Variants in PIK3C2G observed in about 807,000 individuals in gnomAD.
PIK3C2G encodes phosphatidylinositol 3-kinase C2 domain-containing subunit gamma.
Under a neutral mutation model 181.1 loss-of-function variants are expected in PIK3C2G, and 168 were observed. That is an observed-to-expected ratio of 0.93 (90% CI 0.82 to 1.05). The LOEUF (loss-of-function observed/expected upper bound fraction) is 1.05. Among genes scored for constraint, PIK3C2G ranks in the 50% least tolerant of loss-of-function variants. The probability of loss-of-function intolerance (pLI) is 0.00; values close to 1 mark genes in which losing one functional copy is unlikely to be tolerated. For missense variants in PIK3C2G, 1,869 were observed against 1,732.8 expected (o/e 1.08, Z -1.40); for synonymous variants, 573 against 592.2 (o/e 0.97, Z 0.47).
At chr12:18,396,492 A>G (rs140378700) in intron 15 of PIK3C2G, among the ~76,000 whole-genome samples, 223 of 151,758 alleles carry the variant, frequency 1.5e-3, no homozygotes, top group African/African-American at 5.1e-3. Flanking sequence ...TTAATGTTGT[A>G]TTGGAAATCC....
At chr12:18,412,328 G>A (rs1177900122) in intron 16 of PIK3C2G, among the ~76,000 whole-genome samples, 1 of 152,128 alleles carries the variant, frequency 6.6e-6, no homozygotes, top group East Asian at 1.9e-4. Flanking sequence ...TCCCCCAAAT[G>A]CTTACAGGGG....
At chr12:18,337,920 G>C (rs1277789210) in intron 8 of PIK3C2G, among the ~76,000 whole-genome samples, 1 of 152,158 alleles carries the variant, frequency 6.6e-6, no homozygotes, top group Non-Finnish European at 1.5e-5. Context: ...ACAACTGGCT[G>C]TCCAGAGTTT....
intron 18 of PIK3C2G, among the ~76,000 whole-genome samples, chr12:18,471,045 C>T (rs973132536): frequency 6.6e-6 from 1 of 152,148 alleles, no homozygotes; most frequent in Admixed American, 6.5e-5. Context: ...CCCTAAGCAT[C>T]GAATCAGACT....
chr12:18,330,325 C>T (rs556112178), intron 8 of PIK3C2G, among the ~76,000 whole-genome samples: 1 of 152,230 alleles, frequency 6.6e-6, no homozygotes, highest in African/African-American at 2.4e-5. Flanking sequence ...AAATCTCTCT[C>T]ATCCCAGATT....
the PIK3C2G span, among the ~76,000 whole-genome samples, chr12:18,687,861 TTTG>T: frequency 2.0e-5 from 3 of 152,002 alleles, no homozygotes; most frequent in Non-Finnish European, 4.4e-5. Flanking sequence ...AAGCAATAAT[TTTG>T]AAGGTCAGGT....
At chr12:18,461,680 T>C (rs1339892526) in intron 18 of PIK3C2G, among the ~76,000 whole-genome samples, 2 of 152,138 alleles carry the variant, frequency 1.3e-5, no homozygotes, top group African/African-American at 4.8e-5. Context: ...TAAAAGAAGC[T>C]CCAGAAAGCT....
the PIK3C2G span, among the ~76,000 whole-genome samples, chr12:18,667,316 A>C: frequency 6.6e-6 from 1 of 152,142 alleles, no homozygotes; most frequent in African/African-American, 2.4e-5. Flanking sequence ...TGGTGGGAGA[A>C]ACCTCCTACC....
chr12:18,454,027 T>C (rs1947502121), intron 18 of PIK3C2G, among the ~76,000 whole-genome samples: 1 of 152,178 alleles, frequency 6.6e-6, no homozygotes, highest in African/African-American at 2.4e-5. Flanking sequence ...ACACGTCTTC[T>C]TTTCAAAACA....
At chr12:18,250,138 G>T (rs1948081523) in intron 1 of PIK3C2G, among the ~76,000 whole-genome samples, 1 of 151,910 alleles carries the variant, frequency 6.6e-6, no homozygotes, top group African/African-American at 2.4e-5. Context: ...ATATCGACTG[G>T]AACTGCTAAC....
At chr12:18,689,671 G>A in the PIK3C2G span, among the ~76,000 whole-genome samples, 1 of 152,154 alleles carries the variant, frequency 6.6e-6, no homozygotes, top group Non-Finnish European at 1.5e-5. Flanking sequence ...CAACTCTGTT[G>A]TTACCCATTG....
upstream of PIK3C2G, among the ~76,000 whole-genome samples, chr12:18,246,488 A>T (rs4537818): frequency 0.45 from 68,093 of 151,834 alleles, 15,688 homozygotes; most frequent in East Asian, 0.75. Flanking sequence ...CAAGCTTATT[A>T]TAAAATATTA....
rs137966021 is a variant in PIK3C2G, at chr12:18,628,016, G to A, written c.4183-12413G>A. 3.3e-3 allele frequency among the ~76,000 whole-genome samples: 509 copies of A among 152,202 alleles called. 2 individuals carry two copies. The highest frequency in any genetic ancestry group is 0.012 in the African/African-American group (487 of 41,540). ...AATGCATCTGATATTTTTAAACCAC[G>A]TCTGTATCTTCATCACATTCCTGGT... On this transcript the variant is annotated intron_variant, in intron 31 of 32. Coordinates refer to ENST00000538779, the MANE Select transcript of PIK3C2G (RefSeq NM_001288772.2).
intron 30 of PIK3C2G, among the ~76,000 whole-genome samples, chr12:18,595,987 A>G (rs1947340716): frequency 6.6e-6 from 1 of 152,078 alleles, no homozygotes; most frequent in African/African-American, 2.4e-5. Flanking sequence ...TAGACTAGAA[A>G]TCCACTGGGG....
chr12:18,280,617 G>A (rs959086062), intron 1 of PIK3C2G, among the ~76,000 whole-genome samples: 5 of 151,908 alleles, frequency 3.3e-5, no homozygotes, highest in Non-Finnish European at 4.4e-5. Flanking sequence ...GTCACGGGTC[G>A]TTAAGGAACT....
intron 16 of PIK3C2G, among the ~76,000 whole-genome samples, chr12:18,409,160 A>G (rs756611266): frequency 1.2e-4 from 19 of 152,178 alleles, no homozygotes; most frequent in Non-Finnish European, 2.4e-4. Context: ...AGGCCCATCA[A>G]TGATAGATTA....
intron 18 of PIK3C2G, among the ~76,000 whole-genome samples, chr12:18,478,238 C>T (rs1330600620): frequency 1.3e-5 from 2 of 152,074 alleles, no homozygotes; most frequent in Non-Finnish European, 2.9e-5. Context: ...AGCATGGATT[C>T]CAGCATTAAT....
intron 18 of PIK3C2G, among the ~76,000 whole-genome samples, chr12:18,466,189 G>A (rs992192296): frequency 2.0e-5 from 3 of 150,948 alleles, no homozygotes; most frequent in Middle Eastern, 3.4e-3. Context: ...TGTTAGTATA[G>A]TGTCTTGCTC....
chr12:18,435,888 T>G (rs904386415), intron 18 of PIK3C2G, among the ~76,000 whole-genome samples: 1 of 151,918 alleles, frequency 6.6e-6, no homozygotes, highest in Admixed American at 6.6e-5. Context: ...CTTAACATAT[T>G]TCATACTTTA....
At position 18,579,540 on chromosome 12, in the gene PIK3C2G, C is replaced by T. The variant is rs1172633098; in HGVS notation, c.4011+12483C>T. Among the ~76,000 whole-genome samples, 4 of 151,998 alleles carry T rather than the reference C, an allele frequency of 2.6e-5. No individual in the cohort carries two copies. The East Asian group carries it at 7.8e-4, about 30-fold the overall frequency. On this transcript the variant is annotated intron_variant, in intron 29 of 32. Transcript: ENST00000538779. ...AATCTCTGAGATCTCTCTGTCTGTTCCTCTGTCTGTCTCTCTCTCTCTCTC... is the reference window on the plus strand; with the variant it reads ...AATCTCTGAGATCTCTCTGTCTGTTTCTCTGTCTGTCTCTCTCTCTCTCTC...
Sources: allele counts gnomAD v4.1 joint callset (sites outside exome capture counted in the v4.1 genomes callset), GRCh38; gene constraint gnomAD v4.1.1; transcripts MANE v1.5; gene names NCBI Gene and HGNC (gene_info 2026-07-23, HGNC 2026-07-21).